FBXL4: variants seen among roughly 807,000 people sequenced by gnomAD.
The protein encoded by FBXL4 is F-box/LRR-repeat protein 4.
Under a neutral mutation model 58.9 loss-of-function variants are expected in FBXL4, and 40 were observed. That is an observed-to-expected ratio of 0.68 (90% CI 0.53 to 0.88). FBXL4 has a LOEUF of 0.88. FBXL4 is among the 40% of genes least tolerant of loss of function. The pLI, the probability that FBXL4 is intolerant of heterozygous loss-of-function variation, is 0.00. For synonymous variants in FBXL4, 263 were observed against 265.5 expected, an observed-to-expected ratio of 0.99 and a Z score of 0.09; for missense variants, 676 against 734.4, an observed-to-expected ratio of 0.92 and a Z score of 0.92.
intron 1 of FBXL4, among the ~76,000 whole-genome samples, chr6:98,937,287 G>T (rs2128411086): frequency 6.6e-6 from 1 of 151,102 alleles, no homozygotes; most frequent in South Asian, 2.1e-4. Context: ...TCCAGCCTGG[G>T]TGACTTCGTC....
intron 2 of FBXL4, among the ~76,000 whole-genome samples, chr6:98,928,422 G>C (rs540889925): frequency 1.6e-4 from 25 of 151,828 alleles, no homozygotes; most frequent in African/African-American, 6.0e-4. Context: ...TCTGCCTCCT[G>C]GTTTCAAGCG....
intron 5 of FBXL4, 116 bp from the exon 6 acceptor site, chr6:98,905,786 C>A (rs1296739234): frequency 5.8e-6 from 6 of 1,036,948 alleles, no homozygotes; most frequent in Non-Finnish European, 4.1e-6. Flanking sequence ...ACAATATTTT[C>A]ACATAGTAAA....
At chr6:98,930,918 T>C (rs1022259205) in intron 2 of FBXL4, among the ~76,000 whole-genome samples, 6 of 152,332 alleles carry the variant, frequency 3.9e-5, no homozygotes, top group Admixed American at 2.0e-4. Flanking sequence ...AGAAAAAGAA[T>C]TAACAAGTTA....
intron 2 of FBXL4, among the ~76,000 whole-genome samples, chr6:98,934,122 A>G (rs1207957050): frequency 6.6e-6 from 1 of 152,176 alleles, no homozygotes; most frequent in Non-Finnish European, 1.5e-5. Context: ...TCTGATTGAA[A>G]TTAAAGAAAG....
chr6:98,913,204 T>TA (rs1772172856), intron 5 of FBXL4, among the ~76,000 whole-genome samples: 1 of 152,120 alleles, frequency 6.6e-6, no homozygotes, highest in South Asian at 2.1e-4. Flanking sequence ...AAAAGAGACT[T>TA]AGACTCCCAC....
chr6:98,926,938 T>C lies in FBXL4; in HGVS notation c.51A>G (p.Ile17Met), dbSNP rs1176370270. The C allele has an allele frequency of 6.2e-7, 1 of 1,614,138 alleles. No homozygotes were observed. The highest frequency in any genetic ancestry group is 1.7e-5 in the Admixed American group (1 of 60,020). The change falls in exon 4 of 10, where the codon ATA (isoleucine) becomes ATG (methionine). Residue 17 changes from isoleucine (I) to methionine (M), a missense_variant. Transcript: ENST00000369244. Reference protein sequence around the residue: ...MLTVLTMFYYICLRRRARTAT... With the variant: ...MLTVLTMFYYMCLRRRARTAT... ...CTGTCCTGGCTCGGCGCCGAAGGCA[T>C]ATATAATAAAACATGGTCAGAACTG...
chr6:98,916,901 G>C (rs1030767973), intron 5 of FBXL4, among the ~76,000 whole-genome samples: 1 of 149,606 alleles, frequency 6.7e-6, no homozygotes, highest in African/African-American at 2.5e-5. Flanking sequence ...TTACAGTTAG[G>C]AGAATATAGA....
chr6:98,871,093 A>C lies in FBXL4; in HGVS notation c.*3185T>G, dbSNP rs567512439. ...TGAGACTCAGTCTCAAAAAAAAAAA[A>C]AAACAAACTCAAAAATGAAAATAAA... On this transcript the variant is annotated 3_prime_UTR_variant, in exon 10 of 10. Transcript: ENST00000369244. The C allele has an allele frequency of 1.3e-5, 2 of 152,162 alleles. No individual in the cohort carries two copies. Among genetic ancestry groups the C allele is most frequent in the East Asian group, 1.9e-4 (1 of 5,176 alleles). 9.4% of individuals were successfully genotyped at this position (152,162 alleles called of 1,614,324 possible).
intron 7 of FBXL4, among the ~76,000 whole-genome samples, chr6:98,895,177 A>G (rs1771369366): frequency 6.6e-6 from 1 of 152,196 alleles, no homozygotes; most frequent in South Asian, 2.1e-4. Context: ...TATATAAACT[A>G]CTTACTTAAA....
chr6:98,941,867 T>A (rs72627761), intron 1 of FBXL4, among the ~76,000 whole-genome samples: 3,275 of 152,188 alleles, frequency 0.022, 186 homozygotes, highest in East Asian at 0.19. Flanking sequence ...TAGTTTTTTT[T>A]AAAAATCATT....
rs1423111121 is a variant in FBXL4, at chr6:98,872,856, C to G, written c.*1422G>C. The G allele has an allele frequency of 6.6e-6, 1 of 152,056 alleles. No individual in the cohort carries two copies. The allele number at this position is 152,056 out of a possible 1,614,324, so 9.4% of individuals were successfully genotyped here. A position where few individuals can be genotyped will look rare whatever the true frequency, so the allele number is the denominator to read the frequency against. On this transcript the variant is annotated 3_prime_UTR_variant, in exon 10 of 10. Transcript: ENST00000369244. ...AATAAATTCTTCAATCTTTCTTTGCCTCAGTTTCCTCATCTGTAAATGGGG... is the reference window on the plus strand; with the variant it reads ...AATAAATTCTTCAATCTTTCTTTGCGTCAGTTTCCTCATCTGTAAATGGGG...
intron 5 of FBXL4, among the ~76,000 whole-genome samples, chr6:98,911,188 G>T (rs932729813): frequency 6.6e-6 from 1 of 152,164 alleles, no homozygotes; most frequent in Non-Finnish European, 1.5e-5. Context: ...GCTCAAACTG[G>T]GTGGAGCCCA....
chr6:98,923,674 G>A (rs982234849), intron 4 of FBXL4, among the ~76,000 whole-genome samples: 1 of 152,084 alleles, frequency 6.6e-6, no homozygotes, highest in African/African-American at 2.4e-5. Flanking sequence ...CTTCTAGGCT[G>A]GCCTGTAAGC....
intron 7 of FBXL4, among the ~76,000 whole-genome samples, chr6:98,886,526 T>C (rs1771044982): frequency 6.6e-6 from 1 of 152,214 alleles, no homozygotes; most frequent in Non-Finnish European, 1.5e-5. Flanking sequence ...TTTTAGTCTA[T>C]TTATGTTTCA....
chr6:98,913,268 G>A lies in FBXL4; in HGVS notation c.858+4106C>T, dbSNP rs202113980. On this transcript the variant is annotated intron_variant, in intron 5 of 9. Transcript: ENST00000369244. ...CACTGTCAACATTAGACAGATCAAC[G>A]AGACAGAAAGTTAACAAGGATACCC... Among the ~76,000 whole-genome samples, 653 of 152,116 alleles carry A rather than the reference G, an allele frequency of 4.3e-3. 7 individuals carry two copies. The East Asian group carries it at 0.048, about 11-fold the overall frequency.
chr6:98,899,232 A>G (rs762710992), intron 7 of FBXL4, 36 bp downstream of exon 7: 7 of 1,606,486 alleles, frequency 4.4e-6, no homozygotes, highest in East Asian at 2.2e-5. Context: ...GTTGGCTACC[A>G]TAATAGCAAT....
At chr6:98,933,359 C>T (rs1773084823) in intron 2 of FBXL4, among the ~76,000 whole-genome samples, 1 of 152,134 alleles carries the variant, frequency 6.6e-6, no homozygotes, top group East Asian at 1.9e-4. Context: ...TATACAAGAA[C>T]ATTCTATCTA....
At chr6:98,911,782 A>C (rs1266903610) in intron 5 of FBXL4, among the ~76,000 whole-genome samples, 2 of 152,210 alleles carry the variant, frequency 1.3e-5, no homozygotes, top group East Asian at 3.9e-4. Flanking sequence ...CTCTCCTCCA[A>C]AGGAACGCAG....
chr6:98,905,015 A>C (rs1184002908), intron 6 of FBXL4, among the ~76,000 whole-genome samples: 2 of 152,240 alleles, frequency 1.3e-5, no homozygotes, highest in African/African-American at 4.8e-5. Context: ...ACATGTAATT[A>C]AGATTTAATT....
Sources: gnomAD v4.1 joint callset for allele counts (sites outside exome capture counted in the v4.1 genomes callset) on GRCh38, gnomAD v4.1.1 for gene constraint, MANE v1.5 for transcripts, NCBI Gene and HGNC (gene_info 2026-07-23, HGNC 2026-07-21) for gene names.